Variants in DCDC1 observed in about 807,000 individuals in gnomAD.
DCDC1 encodes doublecortin domain-containing protein 1.
A neutral mutation model predicts 178.3 loss-of-function variants in DCDC1; 200 were observed. The observed-to-expected ratio is 1.12, with a 90% CI of 1.00 to 1.26. The LOEUF (loss-of-function observed/expected upper bound fraction) is 1.26. Ranked by LOEUF, DCDC1 falls within the 50% of genes most tolerant of loss-of-function variation. DCDC1 has a pLI of 0.00. For synonymous variants in DCDC1, 690 were observed against 604.8 expected (o/e 1.14, Z -2.07); for missense variants, 1,983 against 1,749.2 (o/e 1.13, Z -2.38).
Position 31,038,623 on chromosome 11 carries a change from T to C in DCDC1, c.2591+25846A>G, listed in dbSNP as rs141240733. ...ATAACAGATTTTTGGAAGAGGAAAG[T>C]ATCCAAAAATTATTTTGTTTGACCT... is the stretch of plus-strand genomic sequence containing the variant. On this transcript the variant is annotated intron_variant, in intron 20 of 38. Coordinates refer to ENST00000684477, the MANE Select transcript of DCDC1 (RefSeq NM_001387274.1). 1.2e-3 allele frequency among the ~76,000 whole-genome samples: 177 copies of C among 152,336 alleles called. 1 individual carries two copies. The East Asian group carries it at 0.014, about 12-fold the overall frequency.
chr11:31,158,190 G>A (rs1591259320), intron 9 of DCDC1, among the ~76,000 whole-genome samples: 1 of 151,932 alleles, frequency 6.6e-6, no homozygotes, highest in Non-Finnish European at 1.5e-5. Context: ...CTCACTGCAA[G>A]CTCTGCCTCC....
intron 7 of DCDC1, chr11:31,281,081 A>G (rs1946392344): frequency 4.5e-6 from 2 of 440,136 alleles, no homozygotes; most frequent in South Asian, 2.1e-5. Context: ...TCACTAGCAT[A>G]TAGAATTTCA....
intron 9 of DCDC1, among the ~76,000 whole-genome samples, chr11:31,230,787 T>C (rs1170297936): frequency 6.6e-6 from 1 of 152,230 alleles, no homozygotes; most frequent in African/African-American, 2.4e-5. Flanking sequence ...ACAAAGTATG[T>C]AATTTCTGGC....
intron 20 of DCDC1, among the ~76,000 whole-genome samples, chr11:30,991,957 A>G (rs537326175): frequency 6.6e-6 from 1 of 152,334 alleles, no homozygotes; most frequent in African/African-American, 2.4e-5. Context: ...TGTAATATTC[A>G]TTCAACAAGC....
chr11:30,965,377 G>A (rs952216920), intron 20 of DCDC1, among the ~76,000 whole-genome samples: 19 of 151,992 alleles, frequency 1.3e-4, no homozygotes, highest in African/African-American at 4.3e-4. Flanking sequence ...CACTCATCAG[G>A]TTACCCTCTG....
chr11:31,039,976 G>A (rs909115028), intron 20 of DCDC1, among the ~76,000 whole-genome samples: 2 of 151,930 alleles, frequency 1.3e-5, no homozygotes, highest in East Asian at 3.9e-4. Context: ...AAAGCATGAA[G>A]ACTAACAATA....
chr11:31,033,703 C>A (rs1256850635), intron 20 of DCDC1, among the ~76,000 whole-genome samples: 1 of 152,048 alleles, frequency 6.6e-6, no homozygotes, highest in Non-Finnish European at 1.5e-5. Flanking sequence ...AATAACAGAC[C>A]ACAGATATAC....
chr11:30,992,957 CA>C (rs1383611591), intron 20 of DCDC1, among the ~76,000 whole-genome samples: 1 of 151,936 alleles, frequency 6.6e-6, no homozygotes, highest in African/African-American at 2.4e-5. Flanking sequence ...ATGCACTTTG[CA>C]TATTTCATAA....
chr11:31,314,783 C>A (rs1162895970), intron 3 of DCDC1, among the ~76,000 whole-genome samples: 1 of 152,146 alleles, frequency 6.6e-6, no homozygotes, highest in African/African-American at 2.4e-5. Context: ...TGTCACTTAA[C>A]GACATCTGCA....
chr11:30,914,333 T>G (rs2134195760), intron 27 of DCDC1, among the ~76,000 whole-genome samples: 1 of 152,370 alleles, frequency 6.6e-6, no homozygotes, highest in South Asian at 2.1e-4. Context: ...GCTCCTCTCC[T>G]GCCCAGGCAG....
At chr11:30,973,321 C>T (rs1316350463) in intron 20 of DCDC1, among the ~76,000 whole-genome samples, 1 of 151,398 alleles carries the variant, frequency 6.6e-6, no homozygotes, top group African/African-American at 2.4e-5. Flanking sequence ...TCTCTTCCTC[C>T]TGCTCTGGCC....
intron 20 of DCDC1, among the ~76,000 whole-genome samples, chr11:31,058,445 A>G (rs922799059): frequency 6.6e-6 from 1 of 152,156 alleles, no homozygotes; most frequent in African/African-American, 2.4e-5. Flanking sequence ...CAGTAAATAT[A>G]TATGTATATG....
chr11:31,348,264 T>C (rs1162024224), intron 1 of DCDC1, among the ~76,000 whole-genome samples: 1 of 152,174 alleles, frequency 6.6e-6, no homozygotes, highest in African/African-American at 2.4e-5. Flanking sequence ...TCACATTTTC[T>C]AGTGGGATGG....
intron 9 of DCDC1, among the ~76,000 whole-genome samples, chr11:31,216,046 T>C (rs1216313558): frequency 6.6e-6 from 1 of 152,224 alleles, no homozygotes. Flanking sequence ...TTAGAGCTGT[T>C]AGTACAGCTT....
rs138960258 is a variant in DCDC1, at chr11:31,265,544, A to G, written c.1017T>C (p.Tyr339=). 6.9e-7 allele frequency: 1 copy of G among 1,451,816 alleles called. No homozygotes were observed. The highest frequency in any genetic ancestry group is 1.5e-5 in the African/African-American group (1 of 68,236). The allele number at this position is 1,451,816 out of a possible 1,614,324, so 89.9% of individuals were successfully genotyped here. ...MNLNLPARYF[Y]DLYGRKIEDI... ...CTTCAATTTTTCTGCCATACAAATC[A>G]TAAAAATATCTGGCTGGTAAATTTA... Residue 339 remains tyrosine (Y), a synonymous_variant, in exon 8 of 39, where the codon TAT becomes TAC. Transcript: ENST00000684477.
chr11:31,071,157 C>T (rs946327926), intron 18 of DCDC1, among the ~76,000 whole-genome samples: 9 of 152,130 alleles, frequency 5.9e-5, no homozygotes, highest in South Asian at 2.1e-4. Flanking sequence ...TTTTCTTACC[C>T]GATTTTTCTC....
At position 31,188,164 on chromosome 11, in the gene DCDC1, A is replaced by G. The variant is rs567998195; in HGVS notation, c.1222-50380T>C. Among the ~76,000 whole-genome samples, 4 of 152,068 alleles carry G rather than the reference A, an allele frequency of 2.6e-5. No homozygotes were observed. The East Asian group carries it at 5.8e-4, about 22-fold the overall frequency. ...CTGATGACAACCCTGTACAGTAGGT[A>G]TATTCTCAGGAATTTTAAAACGAAG... On this transcript the variant is annotated intron_variant, in intron 9 of 38. Coordinates refer to ENST00000684477, the MANE Select transcript of DCDC1 (RefSeq NM_001387274.1).
rs930831449 is a variant in DCDC1, at chr11:31,335,472, C to T, written c.-32G>A. On this transcript the variant is annotated 5_prime_UTR_variant, in exon 2 of 39. It removes an upstream start codon present in the reference 5' UTR. Transcript: ENST00000684477. ...CTTAGTTGGAAATGCAGAAATCACC[C>T]ATCTTCTACATTAATCACGCTGGGA... The T allele has an allele frequency of 3.3e-5, 5 of 152,240 alleles. No individual in the cohort carries two copies. The highest frequency in any genetic ancestry group is 1.2e-4 in the African/African-American group (5 of 41,448). 9.4% of individuals were successfully genotyped at this position (152,240 alleles called of 1,614,324 possible). A position where few individuals can be genotyped will look rare whatever the true frequency, so the allele number is the denominator to read the frequency against.
At chr11:31,325,266 T>A (rs563182941) in intron 3 of DCDC1, among the ~76,000 whole-genome samples, 80 of 152,230 alleles carry the variant, frequency 5.3e-4, no homozygotes, top group Admixed American at 1.2e-3. Flanking sequence ...AATAACTGAT[T>A]CTGTCATCCA....
Sources: allele counts gnomAD v4.1 joint callset (sites outside exome capture counted in the v4.1 genomes callset), GRCh38; gene constraint gnomAD v4.1.1; transcripts MANE v1.5; gene names NCBI Gene and HGNC (gene_info 2026-07-23, HGNC 2026-07-21).